The following CBLC variants were observed in gnomAD, a reference collection of about 807,000 sequenced individuals.
CBLC encodes Cbl proto-oncogene C.
A neutral mutation model predicts 58.6 loss-of-function variants in CBLC; 46 were observed. That is an observed-to-expected ratio of 0.79 (90% CI 0.62 to 1.00). The LOEUF (loss-of-function observed/expected upper bound fraction) is 1.00. CBLC is among the 50% of genes least tolerant of loss of function. The probability of loss-of-function intolerance (pLI) is 0.00; values close to 1 mark genes in which losing one functional copy is unlikely to be tolerated. For synonymous variants in CBLC, 271 were observed against 264.2 expected (o/e 1.03, Z -0.25); for missense variants, 655 against 625.8 (o/e 1.05, Z -0.50).
At chr19:44,791,455 G>A (rs551871842) in intron 6 of CBLC, among the ~76,000 whole-genome samples, 16 of 152,148 alleles carry the variant, frequency 1.1e-4, no homozygotes, top group East Asian at 5.8e-4. Flanking sequence ...AGACATGGCC[G>A]GGCGAGGTGG....
At chr19:44,800,239 G>T (rs1208888899) in intron 9 of CBLC, 142 bp from the exon 10 acceptor site, 2 of 621,226 alleles carry the variant, frequency 3.2e-6, no homozygotes, top group African/African-American at 1.8e-5. Flanking sequence ...TAAGGCTGTG[G>T]CCTCAGCCGC....
intron 9 of CBLC, among the ~76,000 whole-genome samples, chr19:44,795,498 C>T (rs536936268): frequency 6.6e-6 from 1 of 151,804 alleles, no homozygotes; most frequent in Non-Finnish European, 1.5e-5. Flanking sequence ...GCCTGGGCAA[C>T]AGAATGAGAC....
chr19:44,780,054 C>T (rs1208734496), intron 1 of CBLC, among the ~76,000 whole-genome samples: 2 of 152,134 alleles, frequency 1.3e-5, no homozygotes, highest in Non-Finnish European at 1.5e-5. Flanking sequence ...ACACTCGTAC[C>T]TGTAGGTAGA....
In CBLC at chr19:44,779,800, A is replaced by T. The variant is rs375629782; in HGVS notation, c.354-1105A>T. ...ACTCCTGGCCTCATGCGATCTTCGT[A>T]CCTCAGCCTCCCAAAGTGCTGAGAT... On this transcript the variant is annotated intron_variant, in intron 1 of 10. Coordinates refer to ENST00000647358, the MANE Select transcript of CBLC (RefSeq NM_012116.4). Among the ~76,000 whole-genome samples the T allele has an allele frequency of 8.5e-5, 13 of 152,068 alleles. 1 individual carries two copies. The South Asian group carries it at 2.7e-3, about 31-fold the overall frequency.
intron 9 of CBLC, among the ~76,000 whole-genome samples, chr19:44,799,425 T>A (rs759624227): frequency 6.6e-6 from 1 of 152,002 alleles, no homozygotes; most frequent in Non-Finnish European, 1.5e-5. Flanking sequence ...CCCCACCTCC[T>A]GGGTTCAAAC....
chr19:44,785,075 G>T (rs1414569681), intron 5 of CBLC, among the ~76,000 whole-genome samples: 1 of 141,586 alleles, frequency 7.1e-6, no homozygotes, highest in Admixed American at 7.8e-5. Flanking sequence ...AGATTCAAGC[G>T]ATTCTCCTGC....
chr19:44,779,865 A>T (rs1224589348), intron 1 of CBLC, among the ~76,000 whole-genome samples: 1 of 151,990 alleles, frequency 6.6e-6, no homozygotes, highest in Non-Finnish European at 1.5e-5. Flanking sequence ...GTGTTTCCTT[A>T]ATTCATCCTG....
chr19:44,778,982 C>T (rs1967653374), intron 1 of CBLC, among the ~76,000 whole-genome samples: 1 of 152,186 alleles, frequency 6.6e-6, no homozygotes, highest in African/African-American at 2.4e-5. Context: ...CTTCCTTGGG[C>T]ACCCATGCCC....
Position 44,778,217 on chromosome 19 carries a change from G to T in CBLC, c.286G>T (p.Ala96Ser). The T allele has an allele frequency of 6.8e-7, 1 of 1,477,916 alleles. No homozygotes were observed. 91.6% of individuals were successfully genotyped at this position (1,477,916 alleles called of 1,614,324 possible). ...GGAGGCCAAGAGCAGGCAGGTGGCCGCGCTGCTGCCTCCCCGGGGCCGAAG... is the reference window on the plus strand; with the variant it reads ...GGAGGCCAAGAGCAGGCAGGTGGCCTCGCTGCTGCCTCCCCGGGGCCGAAG... ...NLEAKSRQVA[A>S]LLPPRGRRSA... is the part of the protein sequence containing the mutation. The change falls in exon 1 of 11, where the codon GCG (alanine) becomes TCG (serine). Residue 96 changes from alanine (A) to serine (S), a missense_variant. By Grantham distance (99) the Ala-to-Ser change is moderately conservative (BLOSUM62 1). This residue lies in a region of CBLC where 280 missense variants were observed against 237.2 expected (regional missense o/e 1.18). Coordinates refer to ENST00000647358, the MANE Select transcript of CBLC (RefSeq NM_012116.4).
chr19:44,782,371 C>A lies in CBLC; in HGVS notation c.659C>A (p.Pro220Gln). The change falls in exon 4 of 11, where the codon CCA (proline) becomes CAA (glutamine). Residue 220 changes from proline (P) to glutamine (Q), a missense_variant and splice_region_variant. Transcript: ENST00000647358. ...EFDVFTRLFQ[P>Q]WPTLLKNWQL... is the part of the protein sequence containing the mutation. The stretch of plus-strand genomic sequence containing the variant: ...GACCCAAGCCCTGCCCCACCCCAGC[C>A]ATGGCCAACACTCCTCAAGAACTGG... 1 of 1,613,812 alleles carries A rather than the reference C, an allele frequency of 6.2e-7. No individual in the cohort carries two copies. The highest frequency in any genetic ancestry group is 8.5e-7 in the Non-Finnish European group (1 of 1,179,810).
intron 9 of CBLC, among the ~76,000 whole-genome samples, chr19:44,798,937 C>T (rs1046262103): frequency 6.6e-6 from 1 of 152,184 alleles, no homozygotes; most frequent in African/African-American, 2.4e-5. Context: ...CCTCCACTCA[C>T]TCGGAGCCTC....
intron 3 of CBLC, among the ~76,000 whole-genome samples, 159 bp from the exon 4 acceptor site, chr19:44,782,211 G>A (rs918771877): frequency 1.8e-4 from 28 of 152,086 alleles, no homozygotes; most frequent in African/African-American, 6.8e-4. Context: ...AAACTCCTGA[G>A]TTCTGGAGAA....
At chr19:44,778,318 G>A (rs1305384520) in intron 1 of CBLC, 34 bp downstream of exon 1, 65 of 1,398,972 alleles carry the variant, frequency 4.6e-5, no homozygotes, top group Non-Finnish European at 5.5e-5. Flanking sequence ...GTCCTCTGGG[G>A]TGAGGCCCAG....
chr19:44,799,138 T>C (rs1413302717), intron 9 of CBLC, among the ~76,000 whole-genome samples: 1 of 152,144 alleles, frequency 6.6e-6, no homozygotes, highest in Non-Finnish European at 1.5e-5. Flanking sequence ...AGGACAAAGA[T>C]AGTTTTCTGT....
At chr19:44,787,630 G>A (rs889831900) in intron 5 of CBLC, among the ~76,000 whole-genome samples, 2 of 150,082 alleles carry the variant, frequency 1.3e-5, no homozygotes, top group African/African-American at 2.5e-5. Flanking sequence ...CAGCCTGGCC[G>A]ACATGGTGAA....
At chr19:44,789,646 C>T in intron 5 of CBLC, among the ~76,000 whole-genome samples, 1 of 152,226 alleles carries the variant, frequency 6.6e-6, no homozygotes, top group East Asian at 1.9e-4. Flanking sequence ...CCACCTCGGC[C>T]TCCCAAAGTG....
intron 5 of CBLC, among the ~76,000 whole-genome samples, chr19:44,785,540 A>G (rs201255879): frequency 8.3e-4 from 72 of 86,594 alleles, no homozygotes; most frequent in Admixed American, 1.2e-3. Flanking sequence ...AGGTAGATAG[A>G]TAGATAGATA....
intron 5 of CBLC, among the ~76,000 whole-genome samples, chr19:44,788,477 TTC>T (rs1197215632): frequency 2.0e-5 from 3 of 149,372 alleles, no homozygotes; most frequent in Non-Finnish European, 4.5e-5. Context: ...TTTTTAAAAT[TTC>T]TTTTTTTTTT....
chr19:44,799,097 G>T (rs1968235679), intron 9 of CBLC, among the ~76,000 whole-genome samples: 1 of 152,180 alleles, frequency 6.6e-6, no homozygotes, highest in African/African-American at 2.4e-5. Context: ...GTCACTGCGA[G>T]CCTCGGGTTC....
Sources: gnomAD v4.1 joint callset for allele counts (sites outside exome capture counted in the v4.1 genomes callset) on GRCh38, gnomAD v4.1.1 for gene constraint, gnomAD v4.1.1 regional missense constraint, MANE v1.5 for transcripts, NCBI Gene and HGNC (gene_info 2026-07-23, HGNC 2026-07-21) for gene names.